Variants in MBNL2 observed in about 807,000 individuals in gnomAD.
MBNL2 encodes the protein muscleblind like splicing regulator 2.
Under a neutral mutation model 41.9 loss-of-function variants are expected in MBNL2, and 17 were observed. The ratio of observed to expected loss-of-function variants is 0.41; its 90% CI spans 0.28 to 0.61. MBNL2 has a LOEUF of 0.61. Ranked by LOEUF, MBNL2 falls within the 20% of genes least tolerant of loss-of-function variation. The pLI is 0.35. For missense variants in MBNL2, 336 were observed against 505.6 expected, an observed-to-expected ratio of 0.66 and a Z score of 3.22; for synonymous variants, 195 against 182.9, an observed-to-expected ratio of 1.07 and a Z score of -0.53.
intron 1 of MBNL2, among the ~76,000 whole-genome samples, chr13:97,237,054 C>T (rs571364989): frequency 3.2e-4 from 49 of 152,092 alleles, no homozygotes; most frequent in Non-Finnish European, 6.6e-4. Context: ...CTGTTTAAGT[C>T]AAGGGATTGC....
In MBNL2 at chr13:97,288,077, G is replaced by T. The variant is rs2055028160; in HGVS notation, c.174+11668G>T. Among the ~76,000 whole-genome samples, 5 of 151,578 alleles carry T rather than the reference G, an allele frequency of 3.3e-5. No individual in the cohort carries two copies. In the South Asian group the frequency reaches 1.0e-3, roughly 32 times the overall value. On this transcript the variant is annotated intron_variant, in intron 2 of 8. Transcript: ENST00000679496. Reference sequence around the variant, plus strand: ...CCATGAGCCACCATGCCCGGCCTATGTTTATTTCTTTTATAAAATGATTGT... The same window carrying T: ...CCATGAGCCACCATGCCCGGCCTATTTTTATTTCTTTTATAAAATGATTGT...
chr13:97,254,331 C>G (rs1270966290), intron 1 of MBNL2, among the ~76,000 whole-genome samples: 1 of 152,086 alleles, frequency 6.6e-6, no homozygotes, highest in East Asian at 1.9e-4. Flanking sequence ...GAAAAATAAA[C>G]TATAACTTAC....
At chr13:97,152,063 G>A in the MBNL2 span, among the ~76,000 whole-genome samples, 1 of 151,996 alleles carries the variant, frequency 6.6e-6, no homozygotes, top group Admixed American at 6.6e-5. Flanking sequence ...AAAGAAATTT[G>A]AAATTAAAAA....
intron 2 of MBNL2, among the ~76,000 whole-genome samples, chr13:97,276,853 C>T (rs572641286): frequency 5.3e-5 from 8 of 150,998 alleles, no homozygotes; most frequent in African/African-American, 1.5e-4. Context: ...CTTCCTAAAA[C>T]GCTTTTCTGA....
chr13:97,195,665 C>A, the MBNL2 span, among the ~76,000 whole-genome samples: 3 of 152,044 alleles, frequency 2.0e-5, no homozygotes, highest in African/African-American at 7.2e-5. Flanking sequence ...TAAAATTATA[C>A]ATAATAGCAT....
intron 1 of MBNL2, among the ~76,000 whole-genome samples, chr13:97,232,984 G>A (rs945934237): frequency 2.0e-5 from 3 of 150,880 alleles, no homozygotes; most frequent in Admixed American, 6.6e-5. Flanking sequence ...GTTATCAACT[G>A]TAAGACCTAT....
chr13:97,218,598 T>C (rs929534380), upstream of MBNL2, among the ~76,000 whole-genome samples: 2 of 152,070 alleles, frequency 1.3e-5, no homozygotes, highest in African/African-American at 2.4e-5. Context: ...TACTTGAATA[T>C]AGTTGATATC....
At chr13:97,386,340 G>T (rs2153167386) in intron 8 of MBNL2, among the ~76,000 whole-genome samples, 1 of 152,360 alleles carries the variant, frequency 6.6e-6, no homozygotes, top group African/African-American at 2.4e-5. Context: ...TTAGCCCAAA[G>T]ATATATATGA....
intron 2 of MBNL2, among the ~76,000 whole-genome samples, chr13:97,314,066 T>C (rs1306421199): frequency 1.3e-5 from 2 of 152,194 alleles, no homozygotes; most frequent in African/African-American, 2.4e-5. Flanking sequence ...AAAGACCTTA[T>C]GATGACCAGT....
At chr13:97,183,083 A>G in the MBNL2 span, among the ~76,000 whole-genome samples, 7 of 152,206 alleles carry the variant, frequency 4.6e-5, no homozygotes, top group Non-Finnish European at 1.0e-4. Context: ...AGATGCATCA[A>G]AATCAAAGGT....
the MBNL2 span, among the ~76,000 whole-genome samples, chr13:97,155,485 T>G: frequency 6.6e-6 from 1 of 151,030 alleles, no homozygotes; most frequent in African/African-American, 2.4e-5. Context: ...CATGCTGGTG[T>G]GCTGCACCCA....
At chr13:97,264,564 A>T (rs375729227) in intron 1 of MBNL2, among the ~76,000 whole-genome samples, 1 of 152,186 alleles carries the variant, frequency 6.6e-6, no homozygotes, top group African/African-American at 2.4e-5. Flanking sequence ...CTTTCTGTTG[A>T]TATGTAAATT....
In MBNL2 at chr13:97,334,395, C is replaced by G. The variant is rs1235907529; in HGVS notation, c.294C>G (p.Ala98=). The G allele has an allele frequency of 8.1e-6, 13 of 1,613,194 alleles. No individual in the cohort carries two copies. Among genetic ancestry groups the G allele is most frequent in the Non-Finnish European group, 1.1e-5 (13 of 1,179,466 alleles). The change falls in exon 3 of 9, where the codon GCC becomes GCG. Residue 98 remains alanine, a synonymous_variant. Transcript: ENST00000679496. This position sits in a 1 kb window ranked among gnomAD's most constrained non-coding sequence, Gnocchi z 5.3. ...AAAAAACTGCAGCAGCAATGCTTGC[C>G]CAGCAGATGCAATTTATGTTTCCAG... ...IQQKTAAAML[A]QQMQFMFPGT... is the part of the protein sequence containing the mutation.
chr13:97,192,373 C>T, the MBNL2 span, among the ~76,000 whole-genome samples: 8 of 152,182 alleles, frequency 5.3e-5, no homozygotes, highest in Non-Finnish European at 1.2e-4. Context: ...AAGATCAGAC[C>T]TGGTCCACCT....
At chr13:97,356,624 C>T (rs564910711) in intron 5 of MBNL2, among the ~76,000 whole-genome samples, 172 bp from the exon 6 acceptor site, 4 of 151,986 alleles carry the variant, frequency 2.6e-5, no homozygotes, top group East Asian at 1.9e-4. Context: ...GTTGTGCATG[C>T]CTAGTGTTTT....
chr13:97,191,369 G>T, the MBNL2 span, among the ~76,000 whole-genome samples: 1 of 149,702 alleles, frequency 6.7e-6, no homozygotes, highest in Non-Finnish European at 1.5e-5. Flanking sequence ...ATGAACTCTG[G>T]CCTTGAGGAG....
In MBNL2 at chr13:97,343,054, G is replaced by A. The variant is rs759580663; in HGVS notation, c.378G>A (p.Thr126=). The change falls in exon 4 of 9, where the codon ACG becomes ACA. Residue 126 remains threonine (T), a synonymous_variant. Transcript: ENST00000679496. ...TAGGTCCCGCGATAGGGACAAATAC[G>A]GCTATTAGCTTTGCTCCTTACCTAG... ...FPVGPAIGTN[T]AISFAPYLAP... 144 of 1,613,848 alleles carry A rather than the reference G, an allele frequency of 8.9e-5. No homozygotes were observed. The highest frequency in any genetic ancestry group is 1.5e-4 in the Admixed American group (9 of 60,004).
chr13:97,357,184 C>G (rs1437599725), intron 6 of MBNL2, among the ~76,000 whole-genome samples: 3 of 152,134 alleles, frequency 2.0e-5, no homozygotes, highest in Non-Finnish European at 2.9e-5. Context: ...CTTCGTCCCC[C>G]CTTAGAATAG....
chr13:97,350,906 A>G lies in MBNL2; in HGVS notation c.804+3839A>G, dbSNP rs1594250982. 2.0e-5 allele frequency among the ~76,000 whole-genome samples: 3 copies of G among 152,218 alleles called. No individual in the cohort carries two copies. In the East Asian group the frequency reaches 5.8e-4, roughly 29 times the overall value. ...TATTTTGATCTTCCATGAATCATGAATATTCTTAATGGCATCTAGAATGGT... is the reference window on the plus strand; with the variant it reads ...TATTTTGATCTTCCATGAATCATGAGTATTCTTAATGGCATCTAGAATGGT... On this transcript the variant is annotated intron_variant, in intron 5 of 8. Transcript: ENST00000679496.
Sources: gnomAD v4.1 joint callset for allele counts (sites outside exome capture counted in the v4.1 genomes callset) on GRCh38, gnomAD v4.1.1 for gene constraint, Gnocchi (gnomAD v3.1) non-coding constraint, MANE v1.5 for transcripts, NCBI Gene and HGNC (gene_info 2026-07-23, HGNC 2026-07-21) for gene names.